TENM1: variants seen among roughly 807,000 people sequenced by gnomAD.
The protein encoded by TENM1 is teneurin-1.
In TENM1, 35 loss-of-function variants were observed where a neutral mutation model predicts 174.8. That is an observed-to-expected ratio of 0.20 (90% CI 0.15 to 0.27). The LOEUF is 0.27. Ranked by LOEUF, TENM1 falls within the 10% of genes least tolerant of loss-of-function variation. The pLI, the probability that TENM1 is intolerant of heterozygous loss-of-function variation, is 1.00. For missense variants in TENM1, 1,633 were observed against 2,130.1 expected (o/e 0.77, Z 4.59); for synonymous variants, 781 against 798.7 (o/e 0.98, Z 0.37).
chrX:125,059,187 G>C, the TENM1 span, among the ~76,000 whole-genome samples: 4 of 110,788 alleles, frequency 3.6e-5, no homozygotes, highest in East Asian at 1.1e-3. Context: ...AGAAGAAGTA[G>C]GACCTGAATA....
the TENM1 span, among the ~76,000 whole-genome samples, chrX:125,011,791 GA>G: frequency 9.0e-6 from 1 of 111,436 alleles, no homozygotes; most frequent in Non-Finnish European, 1.9e-5. Flanking sequence ...ATTCCTCAGG[GA>G]TCTAGAACCA....
chrX:124,987,207 A>G, the TENM1 span, among the ~76,000 whole-genome samples: 2 of 112,003 alleles, frequency 1.8e-5, no homozygotes, highest in Non-Finnish European at 3.8e-5. Context: ...AAGAATTCCA[A>G]TAAGTTCATG....
the TENM1 span, among the ~76,000 whole-genome samples, chrX:125,176,067 G>T: frequency 0.032 from 3,543 of 111,344 alleles, 157 homozygotes; most frequent in African/African-American, 0.11. Flanking sequence ...TTCCATCATT[G>T]TAAGAGATTT....
rs770930045 is a variant in TENM1, at chrX:124,382,836, A to G, written c.7298-24T>C. 7 of 1,155,124 alleles carry G rather than the reference A, an allele frequency of 6.1e-6. No homozygotes were observed. The South Asian group carries it at 6.3e-5, about 10-fold the overall frequency. On this transcript the variant is annotated intron_variant, in intron 30 of 31. Coordinates refer to ENST00000422452, the Ensembl canonical transcript of TENM1. ...GTCTGTGAGACACAATATTAAAAAAAGAAAATGAAAAATCCCATACTTTAT... is the reference window on the plus strand; with the variant it reads ...GTCTGTGAGACACAATATTAAAAAAGGAAAATGAAAAATCCCATACTTTAT...
At chrX:124,777,479 A>T (rs1396261245) in intron 3 of TENM1, among the ~76,000 whole-genome samples, 1 of 111,803 alleles carries the variant, frequency 8.9e-6, no homozygotes, top group Non-Finnish European at 1.9e-5. Flanking sequence ...TCAGCTTACC[A>T]TTGGCCTTTT....
the TENM1 span, among the ~76,000 whole-genome samples, chrX:125,027,798 G>C: frequency 2.7e-5 from 3 of 110,057 alleles, no homozygotes; most frequent in Non-Finnish European, 5.7e-5. Context: ...TGACTAAAAA[G>C]TAGCAAAATA....
At chrX:124,469,080 C>A (rs1306654169) in intron 22 of TENM1, among the ~76,000 whole-genome samples, 1 of 111,783 alleles carries the variant, frequency 8.9e-6, no homozygotes, top group African/African-American at 3.2e-5. Context: ...TCTAGCTCAT[C>A]TCTCTGATGT....
At chrX:124,829,096 C>G (rs1834965198) in intron 3 of TENM1, among the ~76,000 whole-genome samples, 1 of 111,780 alleles carries the variant, frequency 8.9e-6, no homozygotes. Flanking sequence ...TCTCCCCTCT[C>G]TTTTATTTAA....
At chrX:125,059,859 C>A in the TENM1 span, among the ~76,000 whole-genome samples, 1 of 110,754 alleles carries the variant, frequency 9.0e-6, no homozygotes, top group Non-Finnish European at 1.9e-5. Flanking sequence ...GTGAAATAAT[C>A]CCAATACAGA....
chrX:125,104,291 T>C, the TENM1 span, among the ~76,000 whole-genome samples: 2 of 111,883 alleles, frequency 1.8e-5, no homozygotes, highest in African/African-American at 6.5e-5. Flanking sequence ...CTCAGAAAAA[T>C]CTTGCCACAG....
chrX:124,695,587 A>C (rs1433170702), intron 5 of TENM1, among the ~76,000 whole-genome samples: 1 of 111,310 alleles, frequency 9.0e-6, no homozygotes, highest in African/African-American at 3.3e-5. Context: ...AAATATTTTT[A>C]TTTCTTTCCT....
intron 27 of TENM1, among the ~76,000 whole-genome samples, chrX:124,401,490 G>A (rs1338584058): frequency 2.7e-5 from 3 of 112,143 alleles, no homozygotes; most frequent in African/African-American, 9.7e-5. Flanking sequence ...AGAAATAAAT[G>A]ATTCAGTCCA....
At chrX:124,714,983 A>AT (rs765629198) in intron 4 of TENM1, among the ~76,000 whole-genome samples, 1 of 112,349 alleles carries the variant, frequency 8.9e-6, no homozygotes, top group South Asian at 3.7e-4. Context: ...AAAAAACTCT[A>AT]TATCAGTTGA....
In TENM1 at chrX:124,680,488, T is replaced by C. The variant is rs1409027011; in HGVS notation, c.1016-8653A>G. On this transcript the variant is annotated intron_variant, in intron 5 of 31. Transcript: ENST00000422452. The stretch of plus-strand genomic sequence containing the variant: ...TCACAAGTTTAATATATGATCTCCA[T>C]TTGCAGTTGCATAACGGGCCCATCT... 2.7e-5 allele frequency among the ~76,000 whole-genome samples: 3 copies of C among 111,280 alleles called. No individual in the cohort carries two copies. The East Asian group carries it at 8.5e-4, about 31-fold the overall frequency.
the TENM1 span, among the ~76,000 whole-genome samples, chrX:124,978,435 G>C: frequency 9.0e-6 from 1 of 111,569 alleles, no homozygotes; most frequent in Admixed American, 9.5e-5. Context: ...TTTTAATGTT[G>C]AAAACTGGAC....
intron 3 of TENM1, among the ~76,000 whole-genome samples, chrX:124,788,402 T>C (rs1305284337): frequency 9.0e-6 from 1 of 111,421 alleles, no homozygotes; most frequent in African/African-American, 3.3e-5. Context: ...AATCATGCCT[T>C]CCCAACAGTC....
intron 3 of TENM1, among the ~76,000 whole-genome samples, chrX:124,831,896 A>C: frequency 9.0e-6 from 1 of 111,661 alleles, no homozygotes; most frequent in East Asian, 2.8e-4. Context: ...ACCGACTAGC[A>C]CTTTGTCACG....
chrX:124,917,985 G>C (rs1250923123), intron 1 of TENM1, among the ~76,000 whole-genome samples: 1 of 111,741 alleles, frequency 8.9e-6, no homozygotes, highest in Non-Finnish European at 1.9e-5. Flanking sequence ...ATAAGATGTG[G>C]ACTCAATTTG....
At chrX:125,053,619 C>G in the TENM1 span, among the ~76,000 whole-genome samples, 1 of 111,874 alleles carries the variant, frequency 8.9e-6, no homozygotes, top group Admixed American at 9.5e-5. Flanking sequence ...TTCCATTCAA[C>G]CAGAGTAGCT....
Sources: gnomAD v4.1 joint callset for allele counts (sites outside exome capture counted in the v4.1 genomes callset) on GRCh38, gnomAD v4.1.1 for gene constraint, MANE v1.5 for transcripts, NCBI Gene and HGNC (gene_info 2026-07-23, HGNC 2026-07-21) for gene names.